The following CELF4 variants were observed in gnomAD, a reference collection of about 807,000 sequenced individuals.
CELF4 encodes the protein CUGBP Elav-like family member 4, also known as CUG-BP- and ETR-3-like factor 4.
CELF4 carries 18 observed loss-of-function variants against 59.9 expected under a neutral mutation model. The ratio of observed to expected loss-of-function variants is 0.30; its 90% CI spans 0.21 to 0.45. The LOEUF (loss-of-function observed/expected upper bound fraction) is 0.45. CELF4 is among the 20% of genes least tolerant of loss of function. CELF4 has a pLI of 1.00. For synonymous variants in CELF4, 261 were observed against 267.1 expected, an observed-to-expected ratio of 0.98 and a Z score of 0.22; for missense variants, 456 against 689.0, an observed-to-expected ratio of 0.66 and a Z score of 3.79.
At chr18:37,338,550 G>A (rs985380815) in intron 2 of CELF4, among the ~76,000 whole-genome samples, 1 of 152,180 alleles carries the variant, frequency 6.6e-6, no homozygotes, top group African/African-American at 2.4e-5. Flanking sequence ...GGGCTGTTCT[G>A]GGTGGAGTGG....
rs758363861 is a variant in CELF4, at chr18:37,275,155, C to G, written c.537G>C (p.Glu179Asp). 1.2e-6 allele frequency: 2 copies of G among 1,613,586 alleles called. No individual in the cohort carries two copies. Among genetic ancestry groups the G allele is most frequent in the South Asian group, 2.2e-5 (2 of 91,084 alleles). ...RRLFEAFGNI[E>D]ECTILRGPDG... ...CGGGCCCGCGCAGGATGGTGCACTC[C>G]TCGATGTTCCCAAAGGCCTCGAAAA... Residue 179 changes from glutamate (E) to aspartate (D), a missense_variant, in exon 4 of 13, where the codon GAG becomes GAC. By Grantham distance (45) the Glu-to-Asp change is conservative (BLOSUM62 2). Coordinates refer to ENST00000420428, the MANE Select transcript of CELF4 (RefSeq NM_020180.4).
intron 2 of CELF4, among the ~76,000 whole-genome samples, chr18:37,384,941 A>T (rs1405222945): frequency 6.6e-6 from 1 of 152,186 alleles, no homozygotes; most frequent in East Asian, 1.9e-4. Flanking sequence ...GTACGGAACC[A>T]TACGTCTCTG....
intron 9 of CELF4, among the ~76,000 whole-genome samples, chr18:37,265,140 G>T (rs1212525615): frequency 6.6e-6 from 1 of 151,654 alleles, no homozygotes; most frequent in Non-Finnish European, 1.5e-5. Context: ...ATGCATACAT[G>T]CATGTGTGTG....
chr18:37,380,531 C>G (rs1463823418), intron 2 of CELF4, among the ~76,000 whole-genome samples: 1 of 152,146 alleles, frequency 6.6e-6, no homozygotes, highest in Non-Finnish European at 1.5e-5. Flanking sequence ...CATTCATCAT[C>G]CATCCATTCT....
intron 3 of CELF4, among the ~76,000 whole-genome samples, chr18:37,318,788 AG>A (rs910346437): frequency 3.3e-5 from 5 of 152,082 alleles, no homozygotes; most frequent in African/African-American, 1.2e-4. Flanking sequence ...AGGGAGAGAA[AG>A]GTTTGAGTTA....
At chr18:37,273,716 G>T in intron 6 of CELF4, 3 of 987,444 alleles carry the variant, frequency 3.0e-6, no homozygotes, top group Non-Finnish European at 3.6e-6. Context: ...TGCATTTTCA[G>T]ACCCAGAACC....
At chr18:37,331,073 G>A (rs1043391620) in intron 2 of CELF4, among the ~76,000 whole-genome samples, 1 of 152,178 alleles carries the variant, frequency 6.6e-6, no homozygotes, top group Admixed American at 6.5e-5. Context: ...TCTGATGCTT[G>A]TTGGGTCAGG....
intron 2 of CELF4, among the ~76,000 whole-genome samples, chr18:37,411,217 A>G (rs945763945): frequency 6.6e-6 from 1 of 152,166 alleles, no homozygotes; most frequent in Admixed American, 6.5e-5. Context: ...TGGCCTCCCA[A>G]AGTGTTGGGA....
intron 1 of CELF4, among the ~76,000 whole-genome samples, chr18:37,492,735 C>G (rs2099910251): frequency 6.6e-6 from 1 of 152,126 alleles, no homozygotes; most frequent in Non-Finnish European, 1.5e-5. Context: ...AAGCTGAAGC[C>G]CTGAGCATCT....
chr18:37,475,779 T>C (rs1018168142), intron 2 of CELF4, among the ~76,000 whole-genome samples: 5 of 152,152 alleles, frequency 3.3e-5, no homozygotes, highest in African/African-American at 1.2e-4. Flanking sequence ...CCAGACACAT[T>C]TTCCCTGTTC....
At chr18:37,508,735 T>C (rs1302733914) in intron 1 of CELF4, among the ~76,000 whole-genome samples, 1 of 152,216 alleles carries the variant, frequency 6.6e-6, no homozygotes, top group Non-Finnish European at 1.5e-5. Flanking sequence ...CTTGCGGCCA[T>C]TGGTTGGTCT....
intron 1 of CELF4, among the ~76,000 whole-genome samples, chr18:37,541,230 C>T (rs2099977553): frequency 6.6e-6 from 1 of 152,074 alleles, no homozygotes; most frequent in Admixed American, 6.5e-5. Flanking sequence ...GGACATCTAA[C>T]AGGCCTCCCG....
rs534658809 is a variant in CELF4 at position 37,312,055 on chromosome 18, G to A, written c.448+9748C>T. 2.2e-5 allele frequency among the ~76,000 whole-genome samples: 3 copies of A among 138,328 alleles called. No individual in the cohort carries two copies. The South Asian group carries it at 6.9e-4, about 32-fold the overall frequency. 90.7% of individuals were successfully genotyped at this position (138,328 alleles called of 152,430 possible). On this transcript the variant is annotated intron_variant, in intron 3 of 12. Coordinates refer to ENST00000420428, the MANE Select transcript of CELF4 (RefSeq NM_020180.4). ...GAACCTGGGAGGTGGAACTTGCAGT[G>A]AGCCCATATCACGCCACTGCACTCC...
At position 37,412,189 on chromosome 18, in the gene CELF4, C is replaced by T. The variant is rs566257686; in HGVS notation, c.369+73336G>A. ...TAGGAGCCGAATGTCCATTGCTGGA[C>T]AAAACAGATATGATACCTTCTGTTG... On this transcript the variant is annotated intron_variant, in intron 2 of 12. Coordinates refer to ENST00000420428, the MANE Select transcript of CELF4 (RefSeq NM_020180.4). Among the ~76,000 whole-genome samples the T allele has an allele frequency of 1.1e-4, 17 of 152,322 alleles. No homozygotes were observed. In the East Asian group the frequency reaches 3.1e-3, roughly 28 times the overall value.
chr18:37,284,268 C>A (rs2094513270), intron 3 of CELF4, among the ~76,000 whole-genome samples: 1 of 151,252 alleles, frequency 6.6e-6, no homozygotes, highest in Non-Finnish European at 1.5e-5. Flanking sequence ...CACACCTCAA[C>A]ATACAGACAT....
chr18:37,330,095 C>T (rs994763166), intron 2 of CELF4, among the ~76,000 whole-genome samples: 6 of 152,220 alleles, frequency 3.9e-5, no homozygotes, highest in African/African-American at 1.4e-4. Flanking sequence ...ATGCAACCAA[C>T]TCGATAAGGA....
At position 37,335,375 on chromosome 18, in the gene CELF4, G is replaced by A. The variant is rs73948902; in HGVS notation, c.370-13494C>T. Among the ~76,000 whole-genome samples, 480 of 152,208 alleles carry A rather than the reference G, an allele frequency of 3.2e-3. 1 individual carries two copies. The highest frequency in any genetic ancestry group is 0.011 in the African/African-American group (451 of 41,522). ...TGCACGTGAGTATGTGTGCAAGGAT[G>A]TGGGTGGGCCATGTAAATGGGTGAC... is the stretch of plus-strand genomic sequence containing the variant. On this transcript the variant is annotated intron_variant, in intron 2 of 12. Transcript: ENST00000420428.
chr18:37,273,716 G>A (rs530913457), intron 6 of CELF4: 66 of 987,444 alleles, frequency 6.7e-5, no homozygotes, highest in Non-Finnish European at 7.5e-5. Context: ...TGCATTTTCA[G>A]ACCCAGAACC....
intron 3 of CELF4, among the ~76,000 whole-genome samples, chr18:37,283,785 G>A (rs542408576): frequency 7.9e-5 from 12 of 151,774 alleles, no homozygotes; most frequent in Non-Finnish European, 1.8e-4. Flanking sequence ...GGCCTGCGCT[G>A]GACCCTGAAT....
Sources: allele counts gnomAD v4.1 joint callset (sites outside exome capture counted in the v4.1 genomes callset), GRCh38; gene constraint gnomAD v4.1.1; transcripts MANE v1.5; gene names NCBI Gene and HGNC (gene_info 2026-07-23, HGNC 2026-07-21).